The following OR51E2 variants were observed in gnomAD, a reference collection of about 807,000 sequenced individuals.
The protein encoded by OR51E2 is olfactory receptor 51E2.
Under a neutral mutation model 13.7 loss-of-function variants are expected in OR51E2, and 14 were observed. The observed-to-expected ratio is 1.02, with a 90% CI of 0.68 to 1.60. The LOEUF is 1.60. Among genes scored for constraint, OR51E2 ranks in the 40% most tolerant of loss-of-function variants. The probability of loss-of-function intolerance (pLI) is 0.00; values close to 1 mark genes in which losing one functional copy is unlikely to be tolerated. For missense variants in OR51E2, 483 were observed against 413.8 expected (o/e 1.17, Z -1.45); for synonymous variants, 180 against 157.6 (o/e 1.14, Z -1.07).
At chr11:4,697,146 C>T (rs1406951661) in intron 1 of OR51E2, among the ~76,000 whole-genome samples, 3 of 152,144 alleles carry the variant, frequency 2.0e-5, no homozygotes, top group African/African-American at 7.2e-5. Flanking sequence ...TTTGAAATCA[C>T]ATACAACTGG....
intron 1 of OR51E2, among the ~76,000 whole-genome samples, chr11:4,687,122 T>A (rs1460221173): frequency 2.0e-5 from 3 of 152,204 alleles, no homozygotes; most frequent in African/African-American, 4.8e-5. Flanking sequence ...AAATCTAGTC[T>A]GTAGGCCTGT....
At chr11:4,691,161 C>A (rs1847573440) in intron 1 of OR51E2, 2 of 456,622 alleles carry the variant, frequency 4.4e-6, no homozygotes, top group Non-Finnish European at 8.8e-6. Flanking sequence ...AGGGTGGTAG[C>A]AGTAGGAGTG....
At chr11:4,687,124 T>C (rs189398006) in intron 1 of OR51E2, among the ~76,000 whole-genome samples, 1 of 152,312 alleles carries the variant, frequency 6.6e-6, no homozygotes, top group East Asian at 1.9e-4. Flanking sequence ...ATCTAGTCTG[T>C]AGGCCTGTAT....
chr11:4,681,898 G>C lies in OR51E2; in HGVS notation c.814C>G (p.Arg272Gly), dbSNP rs541160396. The C allele has an allele frequency of 6.2e-7, 1 of 1,614,188 alleles. No individual in the cohort carries two copies. Among genetic ancestry groups the C allele is most frequent in the South Asian group, 1.1e-5 (1 of 91,070 alleles). The change falls in exon 2 of 2, where the codon CGT becomes GGT. Residue 272 changes from arginine to glycine, a missense_variant. Transcript: ENST00000396950. ...RFGNSLHPIV[R>G]VVMGDIYLLL... is the part of the protein sequence containing the mutation. ...AGGTAGATGTCACCCATGACAACAC[G>C]CACAATGGGATGAAGGCTGTTTCCA...
intron 1 of OR51E2, among the ~76,000 whole-genome samples, chr11:4,694,203 T>G (rs2133253134): frequency 6.6e-6 from 1 of 152,182 alleles, no homozygotes; most frequent in Non-Finnish European, 1.5e-5. Flanking sequence ...TTCTTCTTGG[T>G]AGTTTTTTTC....
At position 4,682,489 on chromosome 11, in the gene OR51E2, A is replaced by G; in HGVS notation, c.223T>C (p.Ser75Pro). Residue 75 changes from serine (S) to proline (P), a missense_variant, in exon 2 of 2, where the codon TCC becomes CCC. Transcript: ENST00000396950. ...AGGGCAAGGATCTTAGGCATGGTGG[A>G]TGTGGATAAGGCCAGGTCAATGGCT... ...LAAIDLALST[S>P]TMPKILALFW... The G allele has an allele frequency of 6.2e-7, 1 of 1,614,220 alleles. No homozygotes were observed. Among genetic ancestry groups the G allele is most frequent in the African/African-American group, 1.3e-5 (1 of 75,052 alleles).
intron 1 of OR51E2, chr11:4,685,904 C>T (rs1039211288): frequency 6.6e-6 from 1 of 152,214 alleles, no homozygotes; most frequent in Non-Finnish European, 1.5e-5. Flanking sequence ...TAATATTTAA[C>T]ACTAACCTGT....
intron 1 of OR51E2, among the ~76,000 whole-genome samples, chr11:4,683,396 CT>C (rs1217424415): frequency 2.6e-5 from 4 of 152,084 alleles, no homozygotes; most frequent in East Asian, 1.9e-4. Flanking sequence ...AGCAATGACA[CT>C]TTTTTTTAAA....
intron 1 of OR51E2, among the ~76,000 whole-genome samples, chr11:4,694,521 T>C (rs35026739): frequency 0.82 from 116,904 of 142,160 alleles, 46,787 homozygotes; most frequent in South Asian, 0.91. Context: ...TATATATATA[T>C]ACACACACAC....
Position 4,697,820 on chromosome 11 carries a change from C to T in OR51E2, c.-218G>A, listed in dbSNP as rs979553981. 1 of 152,390 alleles carries T rather than the reference C, an allele frequency of 6.6e-6. No individual in the cohort carries two copies. The highest frequency in any genetic ancestry group is 1.5e-5 in the Non-Finnish European group (1 of 68,060). 9.4% of individuals were successfully genotyped at this position (152,390 alleles called of 1,614,324 possible). ...CCAATTCCTGGTGGTGGTGCTAACT[C>T]ACTGTGTCTTCAGGGTGTGGAGATT... On this transcript the variant is annotated 5_prime_UTR_variant, in exon 1 of 2. Transcript: ENST00000396950.
chr11:4,685,328 C>G (rs545249851), intron 1 of OR51E2, among the ~76,000 whole-genome samples: 1 of 152,262 alleles, frequency 6.6e-6, no homozygotes, highest in African/African-American at 2.4e-5. Flanking sequence ...ATATACAGGG[C>G]TCTCGACAAT....
intron 1 of OR51E2, among the ~76,000 whole-genome samples, chr11:4,689,387 T>C (rs1010433095): frequency 6.6e-6 from 1 of 152,084 alleles, no homozygotes; most frequent in East Asian, 1.9e-4. Context: ...TGAGAGTGAA[T>C]ACAGGAAGAA....
chr11:4,689,090 G>A (rs1194794372), intron 1 of OR51E2, among the ~76,000 whole-genome samples: 13 of 152,204 alleles, frequency 8.5e-5, no homozygotes, highest in Admixed American at 8.5e-4. Context: ...TTAAAGACAT[G>A]ATACTGGATG....
chr11:4,681,595 T>C lies in OR51E2; in HGVS notation c.*154A>G. The C allele has an allele frequency of 1.4e-6, 1 of 740,256 alleles. No homozygotes were observed. Among genetic ancestry groups the C allele is most frequent in the South Asian group, 1.8e-5 (1 of 54,382 alleles). The allele number at this position is 740,256 out of a possible 1,614,324, so 45.9% of individuals were successfully genotyped here. Reference sequence around the variant, plus strand: ...CTTCATTAGTATGTATTATTCCACATAATAGTCCTTTAGGTAGATGTACCA... The same window carrying C: ...CTTCATTAGTATGTATTATTCCACACAATAGTCCTTTAGGTAGATGTACCA... On this transcript the variant is annotated 3_prime_UTR_variant, in exon 2 of 2. Coordinates refer to ENST00000396950, the MANE Select transcript of OR51E2 (RefSeq NM_030774.4).
chr11:4,694,539 C>A (rs548869211), intron 1 of OR51E2, among the ~76,000 whole-genome samples: 1 of 136,080 alleles, frequency 7.3e-6, no homozygotes, highest in Non-Finnish European at 1.6e-5. Context: ...CACATATATA[C>A]GTATATATAT....
At chr11:4,690,819 C>T (rs1847568798) in intron 1 of OR51E2, 1 of 446,714 alleles carries the variant, frequency 2.2e-6, no homozygotes, top group Non-Finnish European at 4.5e-6. Flanking sequence ...GGTTTTCACA[C>T]TGTAGATGAC....
In OR51E2 at chr11:4,682,172, G is replaced by T. The variant is rs772751645; in HGVS notation, c.540C>A (p.His180Gln). The change falls in exon 2 of 2, where the codon CAC (histidine) becomes CAA (glutamine). Residue 180 changes from histidine to glutamine, a missense_variant. Transcript: ENST00000396950. ...SNVLSHSYCV[H>Q]QDVMKLAYAD... ...CATAGGCCAACTTCATTACATCCTG[G>T]TGGACACAATAGGAGTGCGAGAGGA... 4.3e-6 allele frequency: 7 copies of T among 1,614,038 alleles called. No individual in the cohort carries two copies. The Admixed American group carries it at 1.0e-4, about 23-fold the overall frequency.
At chr11:4,686,097 G>T (rs61885987) in intron 1 of OR51E2, among the ~76,000 whole-genome samples, 1 of 152,088 alleles carries the variant, frequency 6.6e-6, no homozygotes, top group Non-Finnish European at 1.5e-5. Context: ...CTCAAGGCTA[G>T]TTTTGTGCAG....
chr11:4,695,935 A>C (rs1218496614), intron 1 of OR51E2, among the ~76,000 whole-genome samples: 1 of 152,124 alleles, frequency 6.6e-6, no homozygotes, highest in Non-Finnish European at 1.5e-5. Context: ...GGCTTTAAAT[A>C]GCACTTATAT....
Sources: gnomAD v4.1 joint callset for allele counts (sites outside exome capture counted in the v4.1 genomes callset) on GRCh38, gnomAD v4.1.1 for gene constraint, MANE v1.5 for transcripts, NCBI Gene and HGNC (gene_info 2026-07-23, HGNC 2026-07-21) for gene names.